The following AK9 variants were observed in gnomAD, a reference collection of about 807,000 sequenced individuals.
AK9 encodes adenylate kinase 9, also known as adenylate kinase domain containing 1.
AK9 carries 191 observed loss-of-function variants against 239.6 expected under a neutral mutation model. That is an observed-to-expected ratio of 0.80 (90% CI 0.71 to 0.90). The LOEUF (loss-of-function observed/expected upper bound fraction) is 0.90, where lower values mean the gene tolerates loss of function less well. AK9 is among the 40% of genes least tolerant of loss of function. The pLI is 0.00. For synonymous variants in AK9, 689 were observed against 721.0 expected, an observed-to-expected ratio of 0.96 and a Z score of 0.71; for missense variants, 1,995 against 2,214.7, an observed-to-expected ratio of 0.90 and a Z score of 1.99.
intron 33 of AK9, among the ~76,000 whole-genome samples, chr6:109,508,491 C>A (rs2128106756): frequency 6.6e-6 from 1 of 152,198 alleles, no homozygotes; most frequent in African/African-American, 2.4e-5. Flanking sequence ...AAGCTGCTCC[C>A]CAGTAAATGA....
intron 13 of AK9, among the ~76,000 whole-genome samples, chr6:109,618,097 T>C (rs1358314282): frequency 6.6e-6 from 1 of 152,148 alleles, no homozygotes; most frequent in African/African-American, 2.4e-5. Flanking sequence ...GAAAAGGATA[T>C]TTGGAATGGA....
chr6:109,497,630 A>T, intron 37 of AK9, 67 bp from the exon 38 acceptor site: 1 of 1,368,062 alleles, frequency 7.3e-7, no homozygotes, highest in Non-Finnish European at 1.0e-6. Flanking sequence ...TGTAAATAAA[A>T]AGTCAAAAGT....
chr6:109,581,260 A>G (rs1788825235), intron 19 of AK9, among the ~76,000 whole-genome samples: 1 of 152,130 alleles, frequency 6.6e-6, no homozygotes. Flanking sequence ...AGAGCCCCAC[A>G]TTTGTCACTT....
chr6:109,650,389 G>GA (rs969828561), intron 8 of AK9, among the ~76,000 whole-genome samples: 4 of 150,692 alleles, frequency 2.7e-5, no homozygotes, highest in Admixed American at 6.6e-5. Context: ...AAATTTACAA[G>GA]AAAAAAAAAC....
Position 109,606,258 on chromosome 6 carries a change from ATAG to A in AK9, c.1842+4104_1842+4106del, listed in dbSNP as rs1188207325. Among the ~76,000 whole-genome samples, 35 of 36,850 alleles carry A rather than the reference ATAG, an allele frequency of 9.5e-4. No individual in the cohort carries two copies. The East Asian group carries it at 0.017, about 17-fold the overall frequency. The allele number at this position is 36,850 out of a possible 152,430, so 24.2% of individuals were successfully genotyped here. On this transcript the variant is annotated intron_variant, in intron 17 of 40. Transcript: ENST00000424296. ...TTTATATTTTATCACTTGTGAATAG[ATAG>A]ATAGATAGATAGATAGATAGATAGA... is the stretch of plus-strand genomic sequence containing the variant.
chr6:109,666,396 G>A (rs991138589), intron 5 of AK9, among the ~76,000 whole-genome samples: 6 of 152,106 alleles, frequency 3.9e-5, no homozygotes, highest in South Asian at 2.1e-4. Context: ...GGAACTCCTC[G>A]CTCCCACCCC....
At chr6:109,600,246 C>T (rs7454802) in intron 17 of AK9, among the ~76,000 whole-genome samples, 7,114 of 152,068 alleles carry the variant, frequency 0.047, 188 homozygotes, top group South Asian at 0.089. Flanking sequence ...TTTTGAGATA[C>T]GTCCCATCAA....
intron 32 of AK9, among the ~76,000 whole-genome samples, chr6:109,513,176 AT>A (rs1160532332): frequency 6.6e-6 from 1 of 152,098 alleles, no homozygotes; most frequent in Non-Finnish European, 1.5e-5. Flanking sequence ...AGTAAATTAT[AT>A]TTATAAAATA....
At chr6:109,633,361 A>C in intron 10 of AK9, 38 bp from the exon 11 acceptor site, 2 of 1,568,892 alleles carry the variant, frequency 1.3e-6, no homozygotes, top group South Asian at 1.2e-5. Context: ...ATATGGGCAT[A>C]AATTTTGCTG....
intron 38 of AK9, 99 bp downstream of exon 38, chr6:109,497,366 T>TCTCTCTCTCTCG: frequency 1.9e-6 from 1 of 519,340 alleles, no homozygotes; most frequent in South Asian, 2.1e-5. Flanking sequence ...ACACACACTC[T>TCTCTCTCTCTCG]CTCTCTCTCT....
intron 35 of AK9, among the ~76,000 whole-genome samples, chr6:109,502,322 T>C (rs190459364): frequency 3.0e-4 from 45 of 152,156 alleles, no homozygotes; most frequent in East Asian, 1.7e-3. Context: ...GTCAGAGAAA[T>C]ACACACAAAC....
At chr6:109,647,527 A>C (rs979302182) in intron 8 of AK9, among the ~76,000 whole-genome samples, 30 of 152,342 alleles carry the variant, frequency 2.0e-4, no homozygotes, top group Admixed American at 9.1e-4. Flanking sequence ...TCAGTTCAAC[A>C]ATAAGAGCTA....
chr6:109,526,098 CA>C (rs1474666355), intron 29 of AK9, among the ~76,000 whole-genome samples: 8 of 152,062 alleles, frequency 5.3e-5, no homozygotes, highest in African/African-American at 1.4e-4. Flanking sequence ...CACATGGACA[CA>C]AAGAGGAGAA....
At chr6:109,686,817 A>C (rs1234526969) in intron 1 of AK9, among the ~76,000 whole-genome samples, 2 of 152,220 alleles carry the variant, frequency 1.3e-5, no homozygotes, top group African/African-American at 2.4e-5. Context: ...ATCCACTATG[A>C]GCTGGTTATG....
chr6:109,674,319 G>C lies in AK9; in HGVS notation c.118-58C>G, dbSNP rs1483492192. On this transcript the variant is annotated intron_variant, in intron 2 of 40. Coordinates refer to ENST00000424296, the MANE Select transcript of AK9 (RefSeq NM_001145128.3). The stretch of plus-strand genomic sequence containing the variant: ...AGAACAGTTACTTGCCAGTGACACA[G>C]ATACAGCAATTTTTAAAGATTCTAT... 8 of 1,220,708 alleles carry C rather than the reference G, an allele frequency of 6.6e-6. No individual in the cohort carries two copies. The South Asian group carries it at 1.3e-4, about 20-fold the overall frequency. 75.6% of individuals were successfully genotyped at this position (1,220,708 alleles called of 1,614,324 possible).
At chr6:109,627,029 T>C (rs879804091) in intron 12 of AK9, among the ~76,000 whole-genome samples, 2 of 151,966 alleles carry the variant, frequency 1.3e-5, no homozygotes, top group Non-Finnish European at 2.9e-5. Flanking sequence ...ACTTTTTGAC[T>C]CTTTTATAAC....
At chr6:109,559,421 C>A (rs1303427424) in intron 24 of AK9, among the ~76,000 whole-genome samples, 1 of 152,210 alleles carries the variant, frequency 6.6e-6, no homozygotes, top group African/African-American at 2.4e-5. Flanking sequence ...CCCGCCTTGG[C>A]CTCCCAAAGT....
intron 5 of AK9, among the ~76,000 whole-genome samples, chr6:109,668,244 G>T (rs79375303): frequency 0.58 from 87,780 of 150,958 alleles, 27,114 homozygotes; most frequent in East Asian, 0.84. Flanking sequence ...TTTTTGATGG[G>T]GTTTTTTTTT....
intron 24 of AK9, among the ~76,000 whole-genome samples, chr6:109,559,781 T>G (rs776742249): frequency 5.9e-5 from 9 of 152,220 alleles, no homozygotes; most frequent in Non-Finnish European, 1.3e-4. Context: ...CTTAACAAAT[T>G]ACCACAAATA....
Sources: allele counts gnomAD v4.1 joint callset (sites outside exome capture counted in the v4.1 genomes callset), GRCh38; gene constraint gnomAD v4.1.1; transcripts MANE v1.5; gene names NCBI Gene and HGNC (gene_info 2026-07-23, HGNC 2026-07-21).